SEMA4D: variants seen among roughly 807,000 people sequenced by gnomAD.
SEMA4D encodes the protein semaphorin 4D.
Under a neutral mutation model 74.8 loss-of-function variants are expected in SEMA4D, and 22 were observed. The ratio of observed to expected loss-of-function variants is 0.29; its 90% CI spans 0.21 to 0.42. SEMA4D has a LOEUF of 0.42. SEMA4D is among the 10% of genes least tolerant of loss of function. The probability of loss-of-function intolerance (pLI) is 1.00; values close to 1 mark genes in which losing one functional copy is unlikely to be tolerated. For missense variants in SEMA4D, 937 were observed against 1,118.4 expected (o/e 0.84, Z 2.31); for synonymous variants, 445 against 463.7 (o/e 0.96, Z 0.52).
intron 2 of SEMA4D, among the ~76,000 whole-genome samples, chr9:89,443,616 G>A (rs115387867): frequency 1.4e-3 from 219 of 152,298 alleles, no homozygotes; most frequent in African/African-American, 5.1e-3. Flanking sequence ...GCCCTGCAGC[G>A]CTCAGCTGCA....
chr9:89,376,799 A>G, downstream of SEMA4D: 1 of 1,526,054 alleles, frequency 6.6e-7, no homozygotes, highest in African/African-American at 1.4e-5. Flanking sequence ...AGACAGATGG[A>G]CAGGGCACAG....
intron 2 of SEMA4D, chr9:89,449,847 GA>G (rs1853922043): frequency 2.7e-6 from 4 of 1,497,446 alleles, no homozygotes; most frequent in Non-Finnish European, 3.7e-6. Context: ...GAGAGACCAG[GA>G]TTATATTCTC....
rs537335262 is a variant in SEMA4D at position 89,460,762 on chromosome 9, C to A, written c.-309-4809G>T. On this transcript the variant is annotated intron_variant, in intron 1 of 15. Transcript: ENST00000422704. Reference sequence around the variant, plus strand: ...CACACCCCTCACAGACACGGGCATCCTACAGGCCCAGGAGAACCCATGCCC... The same window carrying A: ...CACACCCCTCACAGACACGGGCATCATACAGGCCCAGGAGAACCCATGCCC... Among the ~76,000 whole-genome samples, 3 of 152,340 alleles carry A rather than the reference C, an allele frequency of 2.0e-5. No individual in the cohort carries two copies. The East Asian group carries it at 5.8e-4, about 29-fold the overall frequency.
downstream of SEMA4D, chr9:89,377,126 G>A (rs1835915675): frequency 3.4e-6 from 5 of 1,461,034 alleles, no homozygotes. Flanking sequence ...GGCCAGAGAG[G>A]GCAAAACACA....
At chr9:89,421,511 C>A (rs905388355) in intron 2 of SEMA4D, among the ~76,000 whole-genome samples, 1 of 152,170 alleles carries the variant, frequency 6.6e-6, no homozygotes, top group Non-Finnish European at 1.5e-5. Flanking sequence ...GGATATACCC[C>A]ATGTGTGCAA....
chr9:89,434,091 G>A (rs893974644), intron 2 of SEMA4D, among the ~76,000 whole-genome samples: 3 of 152,206 alleles, frequency 2.0e-5, no homozygotes, highest in East Asian at 1.9e-4. Flanking sequence ...CGTGGACCAC[G>A]CATACCACAT....
rs903445105 is a variant in SEMA4D at position 89,362,266 on chromosome 9, T to C, written c.*136A>G. ...CTCTGCCCATCAGGTGGTGGCCCAA[T>C]GGCTGTGTTCAGAGCAGGCTTGGGC... is the stretch of plus-strand genomic sequence containing the variant. On this transcript the variant is annotated 3_prime_UTR_variant, in exon 19 of 19. Transcript: ENST00000339861. The C allele has an allele frequency of 3.4e-6, 5 of 1,480,368 alleles. No homozygotes were observed. In the African/African-American group the frequency reaches 5.5e-5, roughly 16 times the overall value. 91.7% of individuals were successfully genotyped at this position (1,480,368 alleles called of 1,614,324 possible).
At chr9:89,408,659 G>A (rs1394887229) in intron 2 of SEMA4D, among the ~76,000 whole-genome samples, 13 of 133,074 alleles carry the variant, frequency 9.8e-5, no homozygotes, top group African/African-American at 3.4e-4. Context: ...TGGCTCCCGC[G>A]CCACTAGAGG....
chr9:89,446,560 G>T (rs769003920), intron 2 of SEMA4D, among the ~76,000 whole-genome samples: 2 of 152,202 alleles, frequency 1.3e-5, no homozygotes, highest in Non-Finnish European at 2.9e-5. Flanking sequence ...GCACCACGGG[G>T]CCTCTCTCGG....
chr9:89,472,655 G>T, intron 1 of SEMA4D: 1 of 172,522 alleles, frequency 5.8e-6, no homozygotes, highest in South Asian at 1.2e-4. Context: ...TGGAATATAT[G>T]AAACTTCCTC....
At chr9:89,396,280 G>A (rs756797749) in intron 6 of SEMA4D, among the ~76,000 whole-genome samples, 2 of 152,202 alleles carry the variant, frequency 1.3e-5, no homozygotes, top group Non-Finnish European at 2.9e-5. Context: ...CAAGCCAGGA[G>A]CAAGTCCTGA....
intron 1 of SEMA4D, chr9:89,479,928 T>G (rs963665088): frequency 3.3e-5 from 5 of 152,300 alleles, no homozygotes; most frequent in Admixed American, 2.0e-4. Flanking sequence ...TTCTCTTATC[T>G]GGCCCCACCC....
chr9:89,412,104 T>C (rs987853873), intron 2 of SEMA4D, among the ~76,000 whole-genome samples: 1 of 152,098 alleles, frequency 6.6e-6, no homozygotes, highest in African/African-American at 2.4e-5. Context: ...CTCTGTGGTA[T>C]TGTTTTCATA....
At chr9:89,443,612 C>A (rs1484620597) in intron 2 of SEMA4D, among the ~76,000 whole-genome samples, 5 of 152,228 alleles carry the variant, frequency 3.3e-5, no homozygotes, top group African/African-American at 1.2e-4. Context: ...CCTGGCCCTG[C>A]AGCGCTCAGC....
At chr9:89,462,884 C>A (rs1414916373) in intron 1 of SEMA4D, among the ~76,000 whole-genome samples, 2 of 28,238 alleles carry the variant, frequency 7.1e-5, no homozygotes, top group South Asian at 1.4e-3. Flanking sequence ...TTTGAGGCTG[C>A]AGAGAGCTGT....
Position 89,387,584 on chromosome 9 carries a change from C to T in SEMA4D, c.1132G>A (p.Ala378Thr), listed in dbSNP as rs564046242. The change falls in exon 12 of 16, where the codon GCC (alanine) becomes ACC (threonine). Residue 378 changes from alanine (A) to threonine (T), a missense_variant. Ala to Thr is a moderately conservative substitution (Grantham distance 58). Transcript: ENST00000422704. ...AAATTCAAGGAGCTGGTGTAGTTGG[C>T]GGCCCGTGCCTCGCTGTCGATGCAC... is the stretch of plus-strand genomic sequence containing the variant. ...GACIDSEARA[A>T]NYTSSLNLPD... 23 of 1,614,178 alleles carry T rather than the reference C, an allele frequency of 1.4e-5. No individual in the cohort carries two copies. The highest frequency in any genetic ancestry group is 3.3e-4 in the Middle Eastern group (2 of 6,008).
At chr9:89,366,060 C>T (rs1313386951) in intron 16 of SEMA4D, among the ~76,000 whole-genome samples, 1 of 152,140 alleles carries the variant, frequency 6.6e-6, no homozygotes, top group Non-Finnish European at 1.5e-5. Flanking sequence ...CCCAGTGAAG[C>T]CCTGTTTCTA....
chr9:89,373,876 G>C (rs1189333052), downstream of SEMA4D, among the ~76,000 whole-genome samples: 3 of 152,228 alleles, frequency 2.0e-5, no homozygotes, highest in East Asian at 1.9e-4. Flanking sequence ...TCTGGGACTT[G>C]CAAGTCACAC....
At position 89,379,457 on chromosome 9, in the gene SEMA4D, G is replaced by C; in HGVS notation, c.1836C>G (p.Phe612Leu). The C allele has an allele frequency of 1.2e-6, 2 of 1,614,184 alleles. No homozygotes were observed. Residue 612 changes from phenylalanine (F) to leucine (L), a missense_variant, in exon 16 of 16, where the codon TTC becomes TTG. Phe to Leu is a conservative substitution (Grantham distance 22). Coordinates refer to ENST00000422704, the MANE Select transcript of SEMA4D (RefSeq NM_001371194.2). ...CCCCACTGTCTCCTTCTGACAAGTT[G>C]AAGATGAGCAAGTTTTTTCTGCCCA... ...GLMGRKNLLI[F>L]NLSEGDSGVY...
Sources: allele counts gnomAD v4.1 joint callset (sites outside exome capture counted in the v4.1 genomes callset), GRCh38; gene constraint gnomAD v4.1.1; transcripts MANE v1.5; gene names NCBI Gene and HGNC (gene_info 2026-07-23, HGNC 2026-07-21).